The following IGF2R variants were observed in gnomAD, a reference collection of about 807,000 sequenced individuals.
IGF2R encodes insulin like growth factor 2 receptor.
Under a neutral mutation model 270.6 loss-of-function variants are expected in IGF2R, and 91 were observed. The ratio of observed to expected loss-of-function variants is 0.34; its 90% CI spans 0.28 to 0.40. The LOEUF is 0.40. Ranked by LOEUF, IGF2R falls within the 10% of genes least tolerant of loss-of-function variation. The pLI, the probability that IGF2R is intolerant of heterozygous loss-of-function variation, is 1.00. For synonymous variants in IGF2R, 1,316 were observed against 1,258.9 expected (o/e 1.05, Z -0.96); for missense variants, 2,805 against 3,188.3 (o/e 0.88, Z 2.90).
chr6:159,985,494 G>A (rs918357420), intron 1 of IGF2R, among the ~76,000 whole-genome samples: 1 of 152,220 alleles, frequency 6.6e-6, no homozygotes, highest in African/African-American at 2.4e-5. Context: ...TAGCTGTGTG[G>A]GTGAGAGCCG....
At chr6:160,038,661 T>TG (rs1165660763) in intron 10 of IGF2R, among the ~76,000 whole-genome samples, 2 of 152,156 alleles carry the variant, frequency 1.3e-5, no homozygotes, top group Non-Finnish European at 2.9e-5. Flanking sequence ...GCGTCACTGT[T>TG]GCTGTTAGTT....
intron 1 of IGF2R, among the ~76,000 whole-genome samples, chr6:159,986,036 G>A (rs1339425757): frequency 6.6e-6 from 1 of 152,038 alleles, no homozygotes; most frequent in Non-Finnish European, 1.5e-5. Flanking sequence ...TGGGACAACG[G>A]ACAGGGATCC....
At chr6:160,076,128 T>C in intron 36 of IGF2R, 132 bp downstream of exon 36, 2 of 838,820 alleles carry the variant, frequency 2.4e-6, no homozygotes, top group South Asian at 3.2e-5. Context: ...GATGGTACGC[T>C]AGTAGTGTGT....
At chr6:159,995,529 G>T (rs1396657292) in intron 2 of IGF2R, among the ~76,000 whole-genome samples, 1 of 152,062 alleles carries the variant, frequency 6.6e-6, no homozygotes, top group African/African-American at 2.4e-5. Context: ...TTTATAAGAT[G>T]TGAGTTTTAT....
rs1327512408 is a variant in IGF2R, at chr6:160,105,331, C to A, written c.*247C>A. On this transcript the variant is annotated 3_prime_UTR_variant, in exon 48 of 48. Transcript: ENST00000356956. ...GCGGTACCTTGTGCCCAGGGTTTTG[C>A]CCCAAGTCCTCATTTAAAAGCATAA... 8.9e-6 allele frequency: 4 copies of A among 448,230 alleles called. No individual in the cohort carries two copies. The highest frequency in any genetic ancestry group is 1.9e-5 in the African/African-American group (1 of 51,294). 27.8% of individuals were successfully genotyped at this position (448,230 alleles called of 1,614,324 possible).
intron 2 of IGF2R, among the ~76,000 whole-genome samples, chr6:159,999,533 G>A (rs1203055406): frequency 1.3e-5 from 2 of 152,140 alleles, no homozygotes; most frequent in African/African-American, 4.8e-5. Context: ...AGACCAGGAT[G>A]GGAGATCTGA....
intron 1 of IGF2R, among the ~76,000 whole-genome samples, chr6:159,988,219 A>T (rs1038072102): frequency 1.6e-4 from 24 of 152,108 alleles, no homozygotes; most frequent in African/African-American, 5.8e-4. Context: ...GATTTCTTTT[A>T]AGAAAAGCAT....
chr6:160,052,129 G>A (rs975074427), intron 19 of IGF2R, among the ~76,000 whole-genome samples: 4 of 152,202 alleles, frequency 2.6e-5, no homozygotes, highest in Non-Finnish European at 5.9e-5. Context: ...TTGAGCCCAG[G>A]AGGCAGAGAT....
chr6:160,068,104 G>T, intron 29 of IGF2R, 145 bp from the exon 30 acceptor site: 1 of 687,812 alleles, frequency 1.5e-6, no homozygotes, highest in Non-Finnish European at 2.5e-6. Flanking sequence ...GTGTGTGTGT[G>T]TGTGACAGAG....
intron 4 of IGF2R, among the ~76,000 whole-genome samples, chr6:160,015,711 C>T (rs989999490): frequency 2.0e-5 from 3 of 152,142 alleles, no homozygotes; most frequent in African/African-American, 7.2e-5. Context: ...GGATTTTGTC[C>T]CTCCCCAAAT....
chr6:160,054,390 C>G (rs1778265204), intron 19 of IGF2R, among the ~76,000 whole-genome samples: 1 of 152,166 alleles, frequency 6.6e-6, no homozygotes, highest in African/African-American at 2.4e-5. Context: ...CATGAAGGCC[C>G]TCTGTGTGCA....
intron 30 of IGF2R, among the ~76,000 whole-genome samples, chr6:160,068,901 C>G (rs953233744): frequency 6.6e-6 from 1 of 152,158 alleles, no homozygotes; most frequent in East Asian, 1.9e-4. Flanking sequence ...AGGGTGTTAA[C>G]AGTTGATCCC....
intron 1 of IGF2R, among the ~76,000 whole-genome samples, chr6:159,990,399 CT>C (rs1193828495): frequency 3.3e-5 from 5 of 152,096 alleles, no homozygotes; most frequent in African/African-American, 1.2e-4. Context: ...TTATAAGGGG[CT>C]TTTTCCCCTT....
intron 31 of IGF2R, 149 bp downstream of exon 31, chr6:160,070,207 G>A (rs936494820): frequency 1.6e-5 from 12 of 764,944 alleles, no homozygotes; most frequent in African/African-American, 5.2e-5. Flanking sequence ...GGGGAACAGC[G>A]TCGCCGCGGC....
In IGF2R at chr6:160,027,174, A is replaced by C. The variant is rs1777579316; in HGVS notation, c.647-11A>C. ...CACCTAATCTGATTTAATGTAATACATGATTTTCAGACACACTACGAGACC... is the reference window on the plus strand; with the variant it reads ...CACCTAATCTGATTTAATGTAATACCTGATTTTCAGACACACTACGAGACC... On this transcript the variant is annotated splice_polypyrimidine_tract_variant and intron_variant, in intron 5 of 47. Coordinates refer to ENST00000356956, the MANE Select transcript of IGF2R (RefSeq NM_000876.4). 1 of 1,614,194 alleles carries C rather than the reference A, an allele frequency of 6.2e-7. No homozygotes were observed. The highest frequency in any genetic ancestry group is 1.3e-5 in the African/African-American group (1 of 75,072).
chr6:159,991,274 A>G lies in IGF2R; in HGVS notation c.240A>G (p.Ser80=), dbSNP rs773726244. 65 of 1,613,862 alleles carry G rather than the reference A, an allele frequency of 4.0e-5. No individual in the cohort carries two copies. The highest frequency in any genetic ancestry group is 1.6e-4 in the Middle Eastern group (1 of 6,084). ...TGGATATTGTCCAGTGCGGGCCATC[A>G]AGTGCTGTTTGTATGCACGACTTGA... ...GSVDIVQCGP[S]SAVCMHDLKT... The change falls in exon 2 of 48, where the codon TCA becomes TCG. Residue 80 remains serine, a synonymous_variant. Transcript: ENST00000356956.
intron 31 of IGF2R, 98 bp downstream of exon 31, chr6:160,070,156 G>A (rs1308685893): frequency 1.1e-5 from 13 of 1,171,024 alleles, no homozygotes; most frequent in Admixed American, 2.0e-5. Flanking sequence ...CTTGGGATGC[G>A]AGTTCTAGAG....
chr6:160,046,927 C>T (rs1210298302), intron 15 of IGF2R, among the ~76,000 whole-genome samples: 2 of 152,220 alleles, frequency 1.3e-5, no homozygotes, highest in South Asian at 2.1e-4. Context: ...CTGCATTCTG[C>T]GTAACTGCAG....
chr6:159,982,893 T>G (rs915545719), intron 1 of IGF2R, among the ~76,000 whole-genome samples: 1 of 152,224 alleles, frequency 6.6e-6, no homozygotes, highest in African/African-American at 2.4e-5. Context: ...TTACATACTT[T>G]AGATGCTAGC....
Sources: allele counts gnomAD v4.1 joint callset (sites outside exome capture counted in the v4.1 genomes callset), GRCh38; gene constraint gnomAD v4.1.1; transcripts MANE v1.5; gene names NCBI Gene and HGNC (gene_info 2026-07-23, HGNC 2026-07-21).